Variants in PHF2 observed in about 807,000 individuals in gnomAD.
PHF2 encodes PHD finger protein 2.
PHF2 carries 27 observed loss-of-function variants against 120.5 expected under a neutral mutation model. The ratio of observed to expected loss-of-function variants is 0.22; its 90% CI spans 0.17 to 0.31. The LOEUF is 0.31. Ranked by LOEUF, PHF2 falls within the 10% of genes least tolerant of loss-of-function variation. PHF2 has a pLI of 1.00. For synonymous variants in PHF2, 568 were observed against 592.5 expected, an observed-to-expected ratio of 0.96 and a Z score of 0.60; for missense variants, 1,024 against 1,434.8, an observed-to-expected ratio of 0.71 and a Z score of 4.63.
chr9:93,670,901 C>G (rs1284073287), intron 17 of PHF2: 1 of 738,848 alleles, frequency 1.4e-6, no homozygotes, highest in South Asian at 6.2e-5. Flanking sequence ...AGCGGGGGTG[C>G]AGACAGGGCA....
intron 16 of PHF2, among the ~76,000 whole-genome samples, chr9:93,666,572 G>A (rs1283944083): frequency 1.3e-5 from 2 of 152,240 alleles, no homozygotes; most frequent in Non-Finnish European, 2.9e-5. Context: ...CATCCAGCCC[G>A]TCGGCTCCAG....
chr9:93,673,965 A>G (rs960052723), intron 18 of PHF2, 103 bp downstream of exon 18: 2 of 1,307,620 alleles, frequency 1.5e-6, no homozygotes, highest in Admixed American at 2.7e-5. Flanking sequence ...AAGTTACAGC[A>G]GGCCTCAGCT....
intron 1 of PHF2, among the ~76,000 whole-genome samples, chr9:93,590,723 C>T (rs1825200858): frequency 6.6e-6 from 1 of 152,360 alleles, no homozygotes; most frequent in Admixed American, 6.5e-5. Flanking sequence ...ACCAAGGAGG[C>T]TGCAGGCTTG....
At chr9:93,638,522 G>C (rs1826127284) in intron 3 of PHF2, among the ~76,000 whole-genome samples, 1 of 152,084 alleles carries the variant, frequency 6.6e-6, no homozygotes, top group East Asian at 1.9e-4. Context: ...AGTACCATTG[G>C]TTGAAAAAAC....
intron 12 of PHF2, among the ~76,000 whole-genome samples, chr9:93,661,516 CGAAT>C (rs1826565444): frequency 6.6e-6 from 1 of 151,610 alleles, no homozygotes; most frequent in Admixed American, 6.6e-5. Context: ...AATGGATTAA[CGAAT>C]GGATGAATAG....
chr9:93,595,586 C>T (rs1274420798), intron 1 of PHF2, among the ~76,000 whole-genome samples: 3 of 152,238 alleles, frequency 2.0e-5, no homozygotes, highest in East Asian at 3.8e-4. Flanking sequence ...TATGTCTGAG[C>T]GTTGTGCATG....
At chr9:93,674,152 C>T (rs541677710) in intron 18 of PHF2, among the ~76,000 whole-genome samples, 3 of 152,248 alleles carry the variant, frequency 2.0e-5, no homozygotes, top group East Asian at 1.9e-4. Flanking sequence ...TGTGTGGCAC[C>T]GGGCGCCATC....
At chr9:93,676,538 T>C in intron 20 of PHF2, 56 bp from the exon 21 acceptor site, 1 of 1,544,010 alleles carries the variant, frequency 6.5e-7, no homozygotes, top group Non-Finnish European at 8.8e-7. Context: ...AGCTCCCTGC[T>C]CTGTTGGCCC....
At chr9:93,609,278 CTAT>C (rs937536403) in intron 1 of PHF2, among the ~76,000 whole-genome samples, 2 of 152,042 alleles carry the variant, frequency 1.3e-5, no homozygotes, top group South Asian at 2.1e-4. Flanking sequence ...TACATTGTTG[CTAT>C]TATTATTGGT....
intron 17 of PHF2, among the ~76,000 whole-genome samples, chr9:93,671,874 G>T (rs572239089): frequency 1.4e-5 from 2 of 140,152 alleles, no homozygotes; most frequent in East Asian, 4.7e-4. Flanking sequence ...GCAGGTGTGG[G>T]TGTGGATGTA....
At chr9:93,579,582 C>A (rs957321248) in intron 1 of PHF2, among the ~76,000 whole-genome samples, 7 of 152,166 alleles carry the variant, frequency 4.6e-5, no homozygotes, top group Non-Finnish European at 8.8e-5. Flanking sequence ...TCCTTACTCT[C>A]GAAAATATTG....
chr9:93,599,673 T>C (rs945905176), intron 1 of PHF2, among the ~76,000 whole-genome samples: 2 of 152,260 alleles, frequency 1.3e-5, no homozygotes, highest in Non-Finnish European at 2.9e-5. Context: ...TTTCCTGGAC[T>C]TCACTAAACC....
chr9:93,581,765 G>A (rs535582239), intron 1 of PHF2, among the ~76,000 whole-genome samples: 39 of 152,270 alleles, frequency 2.6e-4, no homozygotes, highest in African/African-American at 9.1e-4. Flanking sequence ...CTAAAATCTG[G>A]GCAGAGATTT....
chr9:93,659,623 G>A, intron 11 of PHF2, 23 bp downstream of exon 11: 1 of 1,603,534 alleles, frequency 6.2e-7, no homozygotes, highest in South Asian at 1.1e-5. Flanking sequence ...CCAGGTGCTG[G>A]GCTGGACCCC....
intron 19 of PHF2, among the ~76,000 whole-genome samples, chr9:93,675,380 G>A (rs999388780): frequency 6.6e-6 from 1 of 152,244 alleles, no homozygotes; most frequent in African/African-American, 2.4e-5. Context: ...CACCTGCTGG[G>A]GCAGCCAGTG....
At chr9:93,588,380 C>G (rs1452344328) in intron 1 of PHF2, among the ~76,000 whole-genome samples, 1 of 152,206 alleles carries the variant, frequency 6.6e-6, no homozygotes, top group Non-Finnish European at 1.5e-5. Context: ...GAGGTCCGTT[C>G]TAGCCTGGGG....
Position 93,598,404 on chromosome 9 carries a change from G to A in PHF2, c.98+21533G>A, listed in dbSNP as rs1434891772. On this transcript the variant is annotated intron_variant, in intron 1 of 21. Transcript: ENST00000359246. ...GAGGATGGCAGTCCAGAGGGACATT[G>A]GGTGTTTGTCGGGCTGTCAGTCCAT... Among the ~76,000 whole-genome samples, 4 of 152,190 alleles carry A rather than the reference G, an allele frequency of 2.6e-5. No homozygotes were observed. In the East Asian group the frequency reaches 7.7e-4, roughly 29 times the overall value.
intron 1 of PHF2, 42 bp downstream of exon 1, chr9:93,576,913 G>C (rs2131590809): frequency 2.2e-6 from 2 of 911,120 alleles, no homozygotes; most frequent in Non-Finnish European, 2.7e-6. Flanking sequence ...GGCCCGGCCC[G>C]GCCACCTTGC....
rs1181470333 is a variant in PHF2 at position 93,616,651 on chromosome 9, A to T, written c.99-13319A>T. Among the ~76,000 whole-genome samples, 28 of 146,600 alleles carry T rather than the reference A, an allele frequency of 1.9e-4. No homozygotes were observed. In the East Asian group the frequency reaches 5.0e-3, roughly 26 times the overall value. On this transcript the variant is annotated intron_variant, in intron 1 of 21. Transcript: ENST00000359246. ...TTTTTTATTTGATGTTTCTCCTATA[A>T]TTTTTTTTTTTTTTCTGAAACAGAG...
Sources: gnomAD v4.1 joint callset for allele counts (sites outside exome capture counted in the v4.1 genomes callset) on GRCh38, gnomAD v4.1.1 for gene constraint, MANE v1.5 for transcripts, NCBI Gene and HGNC (gene_info 2026-07-23, HGNC 2026-07-21) for gene names.